Variants in NUP160 observed in about 807,000 individuals in gnomAD.
The protein encoded by NUP160 is nuclear pore complex protein Nup160.
Under a neutral mutation model 196.9 loss-of-function variants are expected in NUP160, and 94 were observed. That is an observed-to-expected ratio of 0.48 (90% CI 0.40 to 0.57). NUP160 has a LOEUF of 0.57. NUP160 is among the 20% of genes least tolerant of loss of function. NUP160 has a pLI of 0.00. For synonymous variants in NUP160, 605 were observed against 619.7 expected (o/e 0.98, Z 0.35); for missense variants, 1,638 against 1,748.3 (o/e 0.94, Z 1.13).
exon 25 of NUP160, chr11:47,798,202 A>G: frequency 6.2e-7 from 1 of 1,612,826 alleles, no homozygotes; most frequent in Non-Finnish European, 8.5e-7. Flanking sequence ...AAGGCTTCAT[A>G]TGCTTGGCTA....
At chr11:47,844,298 T>C (rs1041457517) in intron 2 of NUP160, among the ~76,000 whole-genome samples, 1 of 152,188 alleles carries the variant, frequency 6.6e-6, no homozygotes, top group African/African-American at 2.4e-5. Flanking sequence ...AGCAATCCTT[T>C]AGAAGCCCAG....
chr11:47,846,512 C>A (rs1852405555), intron 2 of NUP160, among the ~76,000 whole-genome samples: 1 of 152,134 alleles, frequency 6.6e-6, no homozygotes, highest in Non-Finnish European at 1.5e-5. Context: ...CACCAGGGAG[C>A]TGTCCTTGTT....
chr11:47,824,925 T>A (rs967715395), intron 7 of NUP160, among the ~76,000 whole-genome samples: 21 of 151,190 alleles, frequency 1.4e-4, no homozygotes, highest in Non-Finnish European at 2.7e-4. Context: ...GAGCTCCACC[T>A]CCTGGGTTCA....
chr11:47,801,777 G>A lies in NUP160; in HGVS notation c.2895+34C>T, dbSNP rs1228542051. ...TGTATTTCAGATGTGTTTTTACACAGGGTGGTATAAGGCCAAACCAAGACA... is the reference window on the plus strand; with the variant it reads ...TGTATTTCAGATGTGTTTTTACACAAGGTGGTATAAGGCCAAACCAAGACA... On this transcript the variant is annotated intron_variant, in intron 23 of 35. Coordinates refer to ENST00000378460, the Ensembl canonical transcript of NUP160. 1.9e-6 allele frequency: 3 copies of A among 1,598,476 alleles called. No individual in the cohort carries two copies. In the East Asian group the frequency reaches 6.8e-5, roughly 36 times the overall value.
chr11:47,789,183 A>T lies in NUP160; in HGVS notation c.3512-572T>A, dbSNP rs184320951. On this transcript the variant is annotated intron_variant, in intron 29 of 35. Transcript: ENST00000378460. Reference sequence around the variant, plus strand: ...TCAGCCACTGTGCCCAGCCTAAAAAATTTTTTTTCTACAGGGTCTTGCTAT... The same window carrying T: ...TCAGCCACTGTGCCCAGCCTAAAAATTTTTTTTTCTACAGGGTCTTGCTAT... Among the ~76,000 whole-genome samples, 16 of 151,764 alleles carry T rather than the reference A, an allele frequency of 1.1e-4. No individual in the cohort carries two copies. The East Asian group carries it at 2.3e-3, about 22-fold the overall frequency.
chr11:47,779,277 A>G (rs899574967), intron 35 of NUP160, 83 bp from the exon 36 acceptor site: 102 of 827,394 alleles, frequency 1.2e-4, no homozygotes, highest in Non-Finnish European at 1.9e-4. Context: ...TGACTTCACC[A>G]AGTAGATTCC....
intron 11 of NUP160, among the ~76,000 whole-genome samples, chr11:47,817,158 A>T (rs575288661): frequency 2.5e-3 from 368 of 149,058 alleles, no homozygotes; most frequent in Middle Eastern, 0.014. Flanking sequence ...TATTATTATT[A>T]TTTTTTTTAG....
At chr11:47,781,328 T>G (rs1025833188) in intron 34 of NUP160, among the ~76,000 whole-genome samples, 1 of 151,964 alleles carries the variant, frequency 6.6e-6, no homozygotes, top group Non-Finnish European at 1.5e-5. Context: ...AGTGGCATGA[T>G]CATAGCTCAC....
At chr11:47,838,688 T>G (rs569717461) in intron 4 of NUP160, among the ~76,000 whole-genome samples, 6 of 149,802 alleles carry the variant, frequency 4.0e-5, no homozygotes, top group Non-Finnish European at 8.9e-5. Flanking sequence ...CCAGCCTGGG[T>G]GACAGTGAGA....
At chr11:47,846,858 C>T (rs1395842993) in intron 2 of NUP160, among the ~76,000 whole-genome samples, 2 of 152,170 alleles carry the variant, frequency 1.3e-5, no homozygotes, top group East Asian at 3.9e-4. Context: ...ATGATCCTGC[C>T]GCCCAAGTTG....
At position 47,780,426 on chromosome 11, in the gene NUP160, G is replaced by C. The variant is rs779427209; in HGVS notation, c.4138C>G (p.Pro1380Ala). The C allele has an allele frequency of 1.8e-5, 29 of 1,612,922 alleles. No homozygotes were observed. The highest frequency in any genetic ancestry group is 1.6e-4 in the Middle Eastern group (1 of 6,084). ...GAGGAGTATGGAAGCCACACCATTG[G>C]GGCTGTTGCGGACAGTGGAAACTAA... Residue 1380 changes from proline (P) to alanine (A), a missense_variant, in exon 35 of 36, where the codon CCA (proline) becomes GCA (alanine). Around this residue, in one of 3 missense-constraint regions of NUP160, gnomAD observed 1,345 missense variants for 1,470.2 expected, o/e 0.91. Coordinates refer to ENST00000378460, the Ensembl canonical transcript of NUP160.
chr11:47,791,901 A>G (rs1265424334), intron 29 of NUP160, 29 bp downstream of exon 29: 2 of 1,495,232 alleles, frequency 1.3e-6, no homozygotes, highest in East Asian at 4.5e-5. Context: ...ACTGTCTAGC[A>G]AAGAACCAGT....
At chr11:47,814,276 T>C (rs1333387133) in intron 13 of NUP160, among the ~76,000 whole-genome samples, 11 of 151,714 alleles carry the variant, frequency 7.3e-5, no homozygotes, top group African/African-American at 2.7e-4. Flanking sequence ...TAAATACATA[T>C]ATTAGATTGG....
At chr11:47,817,917 TA>T (rs1851770788) in intron 11 of NUP160, 138 bp downstream of exon 11, 1 of 550,088 alleles carries the variant, frequency 1.8e-6, no homozygotes, top group African/African-American at 1.9e-5. Flanking sequence ...AAAAAAATTA[TA>T]AAAGTATTTA....
rs771239056 is a variant in NUP160, at chr11:47,814,347, C to T, written c.1687-932G>A. On this transcript the variant is annotated intron_variant, in intron 13 of 35. Coordinates refer to ENST00000378460, the Ensembl canonical transcript of NUP160. ...CCTGAGCCCAGGAATTTGAGACCAGCCTGGTCACAACATGGCGAAACTCCG... is the reference window on the plus strand; with the variant it reads ...CCTGAGCCCAGGAATTTGAGACCAGTCTGGTCACAACATGGCGAAACTCCG... Among the ~76,000 whole-genome samples, 8 of 151,728 alleles carry T rather than the reference C, an allele frequency of 5.3e-5. No individual in the cohort carries two copies. The East Asian group carries it at 7.8e-4, about 15-fold the overall frequency.
intron 9 of NUP160, among the ~76,000 whole-genome samples, chr11:47,820,702 C>A (rs1032270759): frequency 6.6e-6 from 1 of 152,126 alleles, no homozygotes; most frequent in Non-Finnish European, 1.5e-5. Context: ...CAGGCACATA[C>A]CACCACGCCC....
chr11:47,813,757 T>C (rs959152919), intron 13 of NUP160, among the ~76,000 whole-genome samples: 4 of 149,836 alleles, frequency 2.7e-5, no homozygotes, highest in African/African-American at 9.8e-5. Flanking sequence ...GCCTGGGAGG[T>C]TGAAGCTGCA....
Position 47,818,367 on chromosome 11 carries a change from G to A in NUP160, c.1363-243C>T, listed in dbSNP as rs557059275. Reference sequence around the variant, plus strand: ...CTCACGGAGAGCTTCATTGGGTTCCGGCAGAAAACAAGCTTTGTCAAATGC... The same window carrying A: ...CTCACGGAGAGCTTCATTGGGTTCCAGCAGAAAACAAGCTTTGTCAAATGC... On this transcript the variant is annotated intron_variant, in intron 10 of 35. Transcript: ENST00000378460. Among the ~76,000 whole-genome samples the A allele has an allele frequency of 3.0e-4, 46 of 152,094 alleles. 2 individuals are homozygous for A. The East Asian group carries it at 6.0e-3, about 20-fold the overall frequency.
chr11:47,814,592 T>A (rs570074892), intron 13 of NUP160, among the ~76,000 whole-genome samples: 32 of 151,234 alleles, frequency 2.1e-4, no homozygotes, highest in Non-Finnish European at 4.1e-4. Flanking sequence ...ATGGGCACAA[T>A]TGGCAAAATC....
Sources: allele counts gnomAD v4.1 joint callset (sites outside exome capture counted in the v4.1 genomes callset), GRCh38; gene constraint gnomAD v4.1.1; regional missense constraint gnomAD v4.1.1; transcripts MANE v1.5; gene names NCBI Gene and HGNC (gene_info 2026-07-23, HGNC 2026-07-21).